Variants in PDE1A observed in about 807,000 individuals in gnomAD.
The protein encoded by PDE1A is phosphodiesterase 1A.
In PDE1A, 35 loss-of-function variants were observed where a neutral mutation model predicts 61.7. The observed-to-expected ratio is 0.57, with a 90% CI of 0.43 to 0.75. The LOEUF (loss-of-function observed/expected upper bound fraction) is 0.75. Ranked by LOEUF, PDE1A falls within the 30% of genes least tolerant of loss-of-function variation. The pLI is 0.00. For missense variants in PDE1A, 597 were observed against 630.6 expected (o/e 0.95, Z 0.57); for synonymous variants, 232 against 213.2 (o/e 1.09, Z -0.77).
At chr2:182,361,326 C>T (rs1699494342) in intron 1 of PDE1A, among the ~76,000 whole-genome samples, 1 of 151,892 alleles carries the variant, frequency 6.6e-6, no homozygotes, top group African/African-American at 2.4e-5. Context: ...GATTAATAGG[C>T]AAAAAATGTG....
chr2:182,615,306 G>T, the PDE1A span, among the ~76,000 whole-genome samples: 2 of 152,102 alleles, frequency 1.3e-5, no homozygotes, highest in South Asian at 4.1e-4. Context: ...TCTTTGCAAA[G>T]CTGGGTTTTC....
At chr2:182,201,495 A>C in exon 10 of PDE1A, 1 of 1,614,064 alleles carries the variant, frequency 6.2e-7, no homozygotes, top group Non-Finnish European at 8.5e-7. Flanking sequence ...AGCTTCCAGG[A>C]TTTGGCTGGG....
the PDE1A span, among the ~76,000 whole-genome samples, chr2:182,536,453 T>C: frequency 1.3e-5 from 2 of 152,310 alleles, no homozygotes; most frequent in Admixed American, 6.5e-5. Flanking sequence ...TAGCAGAAAT[T>C]GTTGAGTGCC....
chr2:182,233,935 G>C (rs924823987), intron 4 of PDE1A, among the ~76,000 whole-genome samples: 2 of 141,920 alleles, frequency 1.4e-5, no homozygotes, highest in Non-Finnish European at 3.2e-5. Flanking sequence ...AGAAGCCAAA[G>C]ACAAGAGAGA....
upstream of PDE1A, among the ~76,000 whole-genome samples, chr2:182,429,610 T>C (rs1318302418): frequency 2.6e-5 from 4 of 152,124 alleles, no homozygotes; most frequent in Admixed American, 6.6e-5. Flanking sequence ...AATATGTTAA[T>C]TTTCTAAAAC....
chr2:182,602,992 C>CACACACATACATACATACATACAT, the PDE1A span, among the ~76,000 whole-genome samples: 40 of 130,492 alleles, frequency 3.1e-4, no homozygotes, highest in African/African-American at 8.8e-4. Context: ...CACACACACA[C>CACACACATACATACATACATACAT]ACATACATAC....
the PDE1A span, among the ~76,000 whole-genome samples, chr2:182,558,189 A>C: frequency 6.6e-6 from 1 of 151,588 alleles, no homozygotes; most frequent in Non-Finnish European, 1.5e-5. Context: ...TTCTCACTGG[A>C]TGTGCAGGAT....
chr2:182,604,219 T>C, the PDE1A span, among the ~76,000 whole-genome samples: 41 of 152,338 alleles, frequency 2.7e-4, no homozygotes, highest in African/African-American at 9.4e-4. Context: ...TAATTTGTAG[T>C]GTCTGTGCAC....
upstream of PDE1A, among the ~76,000 whole-genome samples, chr2:182,430,655 C>A (rs373395711): frequency 8.7e-6 from 1 of 115,478 alleles, no homozygotes; most frequent in Non-Finnish European, 1.9e-5. Context: ...GACACATGCA[C>A]ACGTATGTTT....
the PDE1A span, among the ~76,000 whole-genome samples, chr2:182,635,358 A>G: frequency 1.3e-5 from 2 of 151,988 alleles, no homozygotes; most frequent in African/African-American, 4.8e-5. Flanking sequence ...TATATATATA[A>G]TTAATACTAT....
downstream of PDE1A, chr2:182,167,767 A>G (rs1691731642): frequency 2.6e-6 from 1 of 377,488 alleles, no homozygotes; most frequent in Non-Finnish European, 3.6e-6. Flanking sequence ...TCACTATAAT[A>G]TAAACATGTT....
chr2:182,569,561 C>T, the PDE1A span, among the ~76,000 whole-genome samples: 1 of 152,104 alleles, frequency 6.6e-6, no homozygotes, highest in African/African-American at 2.4e-5. Context: ...TTTAACGAGA[C>T]TTTCTCAAAG....
intron 1 of PDE1A, among the ~76,000 whole-genome samples, chr2:182,378,241 T>A (rs1898591): frequency 6.6e-6 from 1 of 152,210 alleles, no homozygotes; most frequent in Non-Finnish European, 1.5e-5. Flanking sequence ...ACACAAAAGT[T>A]TGCATAATGA....
intron 7 of PDE1A, among the ~76,000 whole-genome samples, chr2:182,212,254 T>A (rs938682152): frequency 9.9e-5 from 15 of 151,386 alleles, no homozygotes; most frequent in Admixed American, 9.2e-4. Context: ...TATATATATA[T>A]ATGTATACAT....
chr2:182,301,681 G>T lies in PDE1A; in HGVS notation c.54-37267C>A, dbSNP rs528422134. Among the ~76,000 whole-genome samples the T allele has an allele frequency of 3.3e-5, 5 of 152,328 alleles. No homozygotes were observed. In the East Asian group the frequency reaches 9.6e-4, roughly 29 times the overall value. On this transcript the variant is annotated intron_variant, in intron 1 of 13. Transcript: ENST00000351439. ...TCATAATCATAATGATGAGAAAGAA[G>T]TATTGATGCAAAATGATAATGAACA...
chr2:182,588,479 ACT>A, the PDE1A span, among the ~76,000 whole-genome samples: 1 of 152,166 alleles, frequency 6.6e-6, no homozygotes, highest in Admixed American at 6.6e-5. Flanking sequence ...TTCCCCTGAA[ACT>A]CTTATTACTT....
the PDE1A span, among the ~76,000 whole-genome samples, chr2:182,627,816 A>G: frequency 1.3e-5 from 2 of 151,592 alleles, no homozygotes; most frequent in Admixed American, 6.6e-5. Context: ...TGGTGGTGCA[A>G]TCCTGTAGTC....
At chr2:182,385,006 G>A (rs188402645) in intron 1 of PDE1A, among the ~76,000 whole-genome samples, 44 of 152,178 alleles carry the variant, frequency 2.9e-4, no homozygotes, top group South Asian at 6.2e-4. Flanking sequence ...GCCAGGAGAG[G>A]GCAGAATGAT....
At chr2:182,688,436 T>A in the PDE1A span, among the ~76,000 whole-genome samples, 1 of 152,074 alleles carries the variant, frequency 6.6e-6, no homozygotes, top group African/African-American at 2.4e-5. Flanking sequence ...CTAAGCTTCA[T>A]AAGTGAAGGA....
Sources: gnomAD v4.1 joint callset for allele counts (sites outside exome capture counted in the v4.1 genomes callset) on GRCh38, gnomAD v4.1.1 for gene constraint, MANE v1.5 for transcripts, NCBI Gene and HGNC (gene_info 2026-07-23, HGNC 2026-07-21) for gene names.